Variants in TMEM163 observed in about 807,000 individuals in gnomAD.
TMEM163 encodes transmembrane protein 163.
In TMEM163, 17 loss-of-function variants were observed where a neutral mutation model predicts 29.3. The ratio of observed to expected loss-of-function variants is 0.58; its 90% CI spans 0.40 to 0.87. TMEM163 has a LOEUF of 0.87. TMEM163 is among the 40% of genes least tolerant of loss of function. The pLI, the probability that TMEM163 is intolerant of heterozygous loss-of-function variation, is 0.00. For synonymous variants in TMEM163, 157 were observed against 160.6 expected (o/e 0.98, Z 0.17); for missense variants, 303 against 381.5 (o/e 0.79, Z 1.71).
chr2:134,486,536 G>A (rs1213274821), intron 5 of TMEM163, among the ~76,000 whole-genome samples: 1 of 152,188 alleles, frequency 6.6e-6, no homozygotes, highest in Non-Finnish European at 1.5e-5. Context: ...CAAGTAATAT[G>A]AGCAACTTTA....
chr2:134,638,339 A>T (rs1370206730), intron 2 of TMEM163, among the ~76,000 whole-genome samples: 2 of 152,230 alleles, frequency 1.3e-5, no homozygotes, highest in Non-Finnish European at 2.9e-5. Context: ...TTCTGCATGC[A>T]CATCTGCGTA....
intron 4 of TMEM163, among the ~76,000 whole-genome samples, chr2:134,504,313 A>G (rs1209593508): frequency 6.6e-6 from 1 of 152,202 alleles, no homozygotes; most frequent in South Asian, 2.1e-4. Flanking sequence ...GAATCATCGC[A>G]GGTTGGAGCA....
At chr2:134,687,225 T>C (rs550887339) in intron 2 of TMEM163, among the ~76,000 whole-genome samples, 2 of 152,070 alleles carry the variant, frequency 1.3e-5, no homozygotes, top group South Asian at 4.2e-4. Context: ...CTAAAATAGG[T>C]CCACAGAAAT....
At chr2:134,570,469 TATATACATATACATATAC>T (rs199827256) in intron 2 of TMEM163, among the ~76,000 whole-genome samples, 24,639 of 145,052 alleles carry the variant, frequency 0.17, 2,081 homozygotes, top group Admixed American at 0.21. Context: ...ACTACATATA[TATATACATATACATATAC>T]ATATACATAT....
At chr2:134,484,516 T>C (rs1291194988) in intron 5 of TMEM163, among the ~76,000 whole-genome samples, 1 of 151,510 alleles carries the variant, frequency 6.6e-6, no homozygotes, top group African/African-American at 2.4e-5. Context: ...AGGAAATATT[T>C]AAAAAAAATT....
intron 4 of TMEM163, among the ~76,000 whole-genome samples, chr2:134,519,021 T>C (rs376403395): frequency 5.9e-5 from 9 of 152,136 alleles, no homozygotes; most frequent in African/African-American, 2.2e-4. Context: ...ACTTCAACAT[T>C]CTCCTGGCTT....
intron 2 of TMEM163, among the ~76,000 whole-genome samples, chr2:134,637,768 A>G (rs1265327958): frequency 1.3e-5 from 2 of 152,150 alleles, no homozygotes; most frequent in East Asian, 3.9e-4. Flanking sequence ...TTTCTCTTAA[A>G]CTTTCTTAAA....
chr2:134,507,874 G>GAC (rs912058277), intron 4 of TMEM163, among the ~76,000 whole-genome samples: 6 of 149,800 alleles, frequency 4.0e-5, no homozygotes, highest in East Asian at 1.9e-4. Context: ...CACACACACA[G>GAC]ACACACACAC....
intron 4 of TMEM163, among the ~76,000 whole-genome samples, chr2:134,526,465 C>T (rs1254237094): frequency 6.6e-6 from 1 of 152,104 alleles, no homozygotes; most frequent in East Asian, 1.9e-4. Flanking sequence ...GAGAAGGTTT[C>T]ACAGAAAAAC....
At chr2:134,674,587 T>C (rs532225582) in intron 2 of TMEM163, among the ~76,000 whole-genome samples, 15 of 151,768 alleles carry the variant, frequency 9.9e-5, no homozygotes, top group African/African-American at 3.6e-4. Context: ...CTCAATCTCC[T>C]GACTTCGTGA....
intron 4 of TMEM163, among the ~76,000 whole-genome samples, chr2:134,506,256 G>A (rs1169386774): frequency 1.3e-5 from 2 of 152,134 alleles, no homozygotes; most frequent in Non-Finnish European, 2.9e-5. Flanking sequence ...AAAACCCACA[G>A]TCACCCCTCC....
intron 2 of TMEM163, among the ~76,000 whole-genome samples, chr2:134,661,664 C>A (rs1683753825): frequency 1.3e-5 from 2 of 152,138 alleles, no homozygotes; most frequent in African/African-American, 2.4e-5. Flanking sequence ...AATACATAGT[C>A]CATTTAAATT....
At chr2:134,462,055 G>A (rs752359222) in intron 6 of TMEM163, among the ~76,000 whole-genome samples, 6 of 152,216 alleles carry the variant, frequency 3.9e-5, no homozygotes, top group Non-Finnish European at 8.8e-5. Context: ...AATTACTGCT[G>A]CATGTTTTGC....
intron 2 of TMEM163, among the ~76,000 whole-genome samples, chr2:134,631,704 C>T (rs1682975225): frequency 6.6e-6 from 1 of 152,106 alleles, no homozygotes; most frequent in Admixed American, 6.5e-5. Context: ...TGGCTAAAGA[C>T]AATAATATTT....
chr2:134,669,859 G>A (rs932743763), intron 2 of TMEM163, among the ~76,000 whole-genome samples: 4 of 152,088 alleles, frequency 2.6e-5, no homozygotes, highest in African/African-American at 9.7e-5. Context: ...AAGAGAGATG[G>A]ACAAACAGCC....
At chr2:134,656,389 C>T (rs1179479142) in intron 2 of TMEM163, among the ~76,000 whole-genome samples, 1 of 151,814 alleles carries the variant, frequency 6.6e-6, no homozygotes, top group Non-Finnish European at 1.5e-5. Flanking sequence ...TGAGGCAATG[C>T]CTTGCCCTGC....
intron 2 of TMEM163, among the ~76,000 whole-genome samples, chr2:134,566,967 G>A (rs1192703743): frequency 6.6e-6 from 1 of 152,168 alleles, no homozygotes; most frequent in Non-Finnish European, 1.5e-5. Context: ...TTCTGTGTGT[G>A]CATGGGTGTG....
chr2:134,661,201 G>A (rs1381777633), intron 2 of TMEM163, among the ~76,000 whole-genome samples: 1 of 151,918 alleles, frequency 6.6e-6, no homozygotes, highest in East Asian at 1.9e-4. Context: ...ATGTGAAAGA[G>A]AAGGCATGTG....
chr2:134,684,132 C>T (rs1684306225), intron 2 of TMEM163, among the ~76,000 whole-genome samples: 1 of 152,148 alleles, frequency 6.6e-6, no homozygotes, highest in African/African-American at 2.4e-5. Flanking sequence ...AGACCTATAA[C>T]AAGGTTTAGT....
Sources: allele counts gnomAD v4.1 joint callset (sites outside exome capture counted in the v4.1 genomes callset), GRCh38; gene constraint gnomAD v4.1.1; transcripts MANE v1.5; gene names NCBI Gene and HGNC (gene_info 2026-07-23, HGNC 2026-07-21).